Variants in RANBP10 observed in about 807,000 individuals in gnomAD.
The protein encoded by RANBP10 is ran-binding protein 10.
A neutral mutation model predicts 72.8 loss-of-function variants in RANBP10; 24 were observed. The observed-to-expected ratio is 0.33, with a 90% CI of 0.24 to 0.46. RANBP10 has a LOEUF of 0.46. Among genes scored for constraint, RANBP10 ranks in the 20% least tolerant of loss-of-function variants. The pLI is 1.00. For synonymous variants in RANBP10, 310 were observed against 322.3 expected, an observed-to-expected ratio of 0.96 and a Z score of 0.41; for missense variants, 679 against 817.5, an observed-to-expected ratio of 0.83 and a Z score of 2.07.
At chr16:67,750,593 G>C (rs2054174834) in intron 3 of RANBP10, among the ~76,000 whole-genome samples, 1 of 152,146 alleles carries the variant, frequency 6.6e-6, no homozygotes, top group Non-Finnish European at 1.5e-5. Flanking sequence ...AAGTGGTACA[G>C]GTGTGTGCAC....
At chr16:67,796,062 G>A (rs376473870) in intron 2 of RANBP10, among the ~76,000 whole-genome samples, 38 of 151,356 alleles carry the variant, frequency 2.5e-4, no homozygotes, top group African/African-American at 7.7e-4. Flanking sequence ...GATTACAGGC[G>A]CCTGCCACCA....
At position 67,724,842 on chromosome 16, in the gene RANBP10, T is replaced by C. The variant is rs2053573615; in HGVS notation, c.*1586A>G. On this transcript the variant is annotated 3_prime_UTR_variant, in exon 14 of 14. Transcript: ENST00000317506. ...TTCAGGCAGGGACTGAAAGTTCAAC[T>C]TCCGGCCTTGCCATGGCTGACCCTA... 6.6e-6 allele frequency: 1 copy of C among 152,304 alleles called. No homozygotes were observed. The highest frequency in any genetic ancestry group is 1.5e-5 in the Non-Finnish European group (1 of 68,070). The allele number at this position is 152,304 out of a possible 1,614,324, so 9.4% of individuals were successfully genotyped here.
rs536539836 is a variant in RANBP10 at position 67,725,265 on chromosome 16, G to C, written c.*1163C>G. ...GACCAAGGATTCCATCCACTCCCTG[G>C]AGTAGCAGCCCAAGAACCTGCCTCC... On this transcript the variant is annotated 3_prime_UTR_variant, in exon 14 of 14. Coordinates refer to ENST00000317506, the MANE Select transcript of RANBP10 (RefSeq NM_020850.3). 1 of 152,492 alleles carries C rather than the reference G, an allele frequency of 6.6e-6. No homozygotes were observed. Among genetic ancestry groups the C allele is most frequent in the Non-Finnish European group, 1.5e-5 (1 of 68,156 alleles). The allele number at this position is 152,492 out of a possible 1,614,324, so 9.4% of individuals were successfully genotyped here. A position where few individuals can be genotyped will look rare whatever the true frequency, so the allele number is the denominator to read the frequency against.
Position 67,729,510 on chromosome 16 carries a change from G to A in RANBP10, c.1148-26C>T, listed in dbSNP as rs372913920. On this transcript the variant is annotated intron_variant, in intron 9 of 13. Coordinates refer to ENST00000317506, the MANE Select transcript of RANBP10 (RefSeq NM_020850.3). The surrounding 1 kb of genome is among the most constrained non-coding windows in gnomAD (Gnocchi z 7.1). Reference sequence around the variant, plus strand: ...CTAGAAGCCAGGGTGACAGTCAGAAGAGGAGGGGCAGCTTCCCATGAAATG... The same window carrying A: ...CTAGAAGCCAGGGTGACAGTCAGAAAAGGAGGGGCAGCTTCCCATGAAATG... The A allele has an allele frequency of 1.4e-4, 218 of 1,601,246 alleles. No individual in the cohort carries two copies. Among genetic ancestry groups the A allele is most frequent in the African/African-American group, 4.0e-5 (3 of 74,490 alleles).
intron 6 of RANBP10, among the ~76,000 whole-genome samples, chr16:67,732,473 T>C (rs939796118): frequency 2.6e-5 from 4 of 152,124 alleles, no homozygotes; most frequent in African/African-American, 4.8e-5. Flanking sequence ...GTCTGAAGGG[T>C]TGTCAGGTGG....
At position 67,733,033 on chromosome 16, in the gene RANBP10, G is replaced by A. The variant is rs369042556; in HGVS notation, c.777-1449C>T. 2.8e-3 allele frequency among the ~76,000 whole-genome samples: 334 copies of A among 117,298 alleles called. 4 individuals are homozygous for A. Among genetic ancestry groups the A allele is most frequent in the African/African-American group, 0.01 (296 of 29,054 alleles). The allele number at this position is 117,298 out of a possible 152,430, so 77.0% of individuals were successfully genotyped here. On this transcript the variant is annotated intron_variant, in intron 6 of 13. Coordinates refer to ENST00000317506, the MANE Select transcript of RANBP10 (RefSeq NM_020850.3). ...TGCGCCACTGCACTACAGCCTGGGC[G>A]ACAAAGCGAGACTCCATCTCAAAAA...
chr16:67,740,837 C>T (rs1385525553), intron 4 of RANBP10, among the ~76,000 whole-genome samples: 7 of 152,206 alleles, frequency 4.6e-5, no homozygotes, highest in Admixed American at 3.9e-4. Context: ...CACTTTTGGG[C>T]CCCACATGCA....
chr16:67,729,289 T>C lies in RANBP10; in HGVS notation c.1343A>G (p.Gln448Arg), dbSNP rs368051240. The change falls in exon 10 of 14, where the codon CAG becomes CGG. Residue 448 changes from glutamine to arginine, a missense_variant. Transcript: ENST00000317506. The surrounding 1 kb of genome is among the most constrained non-coding windows in gnomAD (Gnocchi z 7.1). ...AGAGCAAGGCAGGCACCTGGTCTCC[T>C]GGTTACTGGTACTGCTGTGGTGCTG... ...KSQHHSSTSN[Q>R]ETSDSEMEME... 6.2e-7 allele frequency: 1 copy of C among 1,612,334 alleles called. No individual in the cohort carries two copies.
At chr16:67,747,286 CTGAG>C (rs1268532789) in intron 3 of RANBP10, among the ~76,000 whole-genome samples, 1 of 152,100 alleles carries the variant, frequency 6.6e-6, no homozygotes, top group African/African-American at 2.4e-5. Flanking sequence ...ACAAAATATA[CTGAG>C]TATCTTTTCA....
chr16:67,744,958 G>A (rs1366723777), intron 3 of RANBP10, among the ~76,000 whole-genome samples: 1 of 152,126 alleles, frequency 6.6e-6, no homozygotes, highest in East Asian at 1.9e-4. Context: ...AGAGTAGCTG[G>A]GACTACAGGC....
At chr16:67,741,668 T>C (rs1337990607) in intron 4 of RANBP10, among the ~76,000 whole-genome samples, 2 of 152,234 alleles carry the variant, frequency 1.3e-5, no homozygotes, top group Non-Finnish European at 2.9e-5. Context: ...CAAGTATTTG[T>C]TGTCACAAGA....
intron 6 of RANBP10, among the ~76,000 whole-genome samples, chr16:67,732,190 C>A (rs2053747028): frequency 6.6e-6 from 1 of 152,172 alleles, no homozygotes; most frequent in Admixed American, 6.5e-5. Context: ...TGATACACCA[C>A]AAATCAGGGG....
At chr16:67,803,171 A>G (rs527800631) in intron 2 of RANBP10, among the ~76,000 whole-genome samples, 1 of 152,292 alleles carries the variant, frequency 6.6e-6, no homozygotes, top group South Asian at 2.1e-4. Flanking sequence ...AGGTGAAAAT[A>G]GGAGCTTTGA....
chr16:67,769,745 C>CAAAAAAA (rs58319144), intron 3 of RANBP10, among the ~76,000 whole-genome samples: 11 of 27,760 alleles, frequency 4.0e-4, no homozygotes, highest in South Asian at 2.8e-3. Flanking sequence ...GACTCCGTCT[C>CAAAAAAA]AAAAAAAAAA....
intron 3 of RANBP10, among the ~76,000 whole-genome samples, chr16:67,764,224 T>A (rs567177888): frequency 6.6e-6 from 1 of 152,326 alleles, no homozygotes; most frequent in East Asian, 1.9e-4. Context: ...AGTTCCACAC[T>A]TGGGCCTCTC....
chr16:67,766,630 C>A (rs1039938737), intron 3 of RANBP10, among the ~76,000 whole-genome samples: 12 of 152,154 alleles, frequency 7.9e-5, no homozygotes, highest in Non-Finnish European at 1.5e-4. Flanking sequence ...CTTCCATAGG[C>A]CCTCACCAGA....
chr16:67,726,533 G>A lies in RANBP10; in HGVS notation c.1758C>T (p.Pro586=), dbSNP rs766019439. 3 of 1,564,338 alleles carry A rather than the reference G, an allele frequency of 1.9e-6. No homozygotes were observed. The highest frequency in any genetic ancestry group is 2.6e-6 in the Non-Finnish European group (3 of 1,154,136). ...CCTGGCCCAGGGCGAGCATCAGAGG[G>A]GGCTGCTTTGGCAGGTTCTGGGACT... is the stretch of plus-strand genomic sequence containing the variant. ...ILESQNLPKQ[P]PLMLALGQAS... Residue 586 remains proline, a synonymous_variant, in exon 14 of 14, where the codon CCC becomes CCT. Transcript: ENST00000317506.
chr16:67,800,873 C>G (rs2055223810), intron 2 of RANBP10, among the ~76,000 whole-genome samples: 1 of 152,162 alleles, frequency 6.6e-6, no homozygotes, highest in South Asian at 2.1e-4. Flanking sequence ...TCATTCCTCC[C>G]AACTGTTCCC....
intron 2 of RANBP10, among the ~76,000 whole-genome samples, chr16:67,795,830 G>A (rs2055121894): frequency 1.3e-5 from 2 of 151,410 alleles, no homozygotes; most frequent in African/African-American, 4.9e-5. Flanking sequence ...ACTCCAGCCT[G>A]GGCGACAGAG....
Sources: gnomAD v4.1 joint callset for allele counts (sites outside exome capture counted in the v4.1 genomes callset) on GRCh38, gnomAD v4.1.1 for gene constraint, Gnocchi (gnomAD v3.1) non-coding constraint, MANE v1.5 for transcripts, NCBI Gene and HGNC (gene_info 2026-07-23, HGNC 2026-07-21) for gene names.